The following PCSK5 variants were observed in gnomAD, a reference collection of about 807,000 sequenced individuals.
PCSK5 encodes the protein proprotein convertase subtilisin/kexin type 5.
PCSK5 carries 129 observed loss-of-function variants against 233.2 expected under a neutral mutation model. The ratio of observed to expected loss-of-function variants is 0.55; its 90% CI spans 0.48 to 0.64. PCSK5 has a LOEUF of 0.64. Ranked by LOEUF, PCSK5 falls within the 30% of genes least tolerant of loss-of-function variation. The pLI, the probability that PCSK5 is intolerant of heterozygous loss-of-function variation, is 0.00. For missense variants in PCSK5, 2,076 were observed against 2,430.1 expected, an observed-to-expected ratio of 0.85 and a Z score of 3.06; for synonymous variants, 825 against 879.2, an observed-to-expected ratio of 0.94 and a Z score of 1.09.
At chr9:76,231,513 C>T (rs1330630828) in intron 21 of PCSK5, among the ~76,000 whole-genome samples, 2 of 152,198 alleles carry the variant, frequency 1.3e-5, no homozygotes, top group Non-Finnish European at 2.9e-5. Flanking sequence ...AGAATAAACT[C>T]GCCCCATTCT....
chr9:76,034,517 C>T (rs1644057635), intron 5 of PCSK5, among the ~76,000 whole-genome samples: 1 of 152,100 alleles, frequency 6.6e-6, no homozygotes, highest in South Asian at 2.1e-4. Flanking sequence ...TCTTCTTCCT[C>T]CTCCTCCATT....
chr9:76,240,565 G>T, intron 23 of PCSK5, 51 bp from the exon 24 acceptor site: 1 of 1,207,972 alleles, frequency 8.3e-7, no homozygotes, highest in Non-Finnish European at 1.2e-6. Flanking sequence ...CAATTAACGT[G>T]TCTCCACTCA....
intron 24 of PCSK5, among the ~76,000 whole-genome samples, chr9:76,277,638 G>T (rs1380776687): frequency 6.6e-6 from 1 of 152,136 alleles, no homozygotes; most frequent in Non-Finnish European, 1.5e-5. Flanking sequence ...TTATCCCTGG[G>T]CACCGATGAG....
chr9:76,078,902 A>T (rs1196487132), intron 7 of PCSK5, among the ~76,000 whole-genome samples: 1 of 152,112 alleles, frequency 6.6e-6, no homozygotes, highest in African/African-American at 2.4e-5. Context: ...GAATCTATAG[A>T]TTTCTCTGGG....
At chr9:76,291,042 T>C (rs950909591) in intron 24 of PCSK5, among the ~76,000 whole-genome samples, 3 of 152,256 alleles carry the variant, frequency 2.0e-5, no homozygotes, top group Non-Finnish European at 4.4e-5. Flanking sequence ...AGGCCAGCAC[T>C]GTTTCTACTG....
At chr9:76,034,808 TTCGGG>T (rs1828789954) in intron 5 of PCSK5, among the ~76,000 whole-genome samples, 1 of 152,232 alleles carries the variant, frequency 6.6e-6, no homozygotes, top group African/African-American at 2.4e-5. Context: ...TTCAGTTTAG[TTCGGG>T]ATATAAAATA....
rs1825567073 is a variant in PCSK5, at chr9:75,890,985, G to T, written c.-197G>T. On this transcript the variant is annotated 5_prime_UTR_variant, in exon 1 of 38. Coordinates refer to ENST00000674117, the MANE Select transcript of PCSK5 (RefSeq NM_001372043.1). ...GAGCACAGGTCCCGGCAGCCCCAGG[G>T]ATGGTCTAGGAGCCGGCGTAAGGCT... is the stretch of plus-strand genomic sequence containing the variant. The T allele has an allele frequency of 2.3e-6, 1 of 430,992 alleles. No homozygotes were observed. Among genetic ancestry groups the T allele is most frequent in the Non-Finnish European group, 4.0e-6 (1 of 249,828 alleles). The allele number at this position is 430,992 out of a possible 1,614,324, so 26.7% of individuals were successfully genotyped here.
chr9:76,293,532 C>T (rs548124415), intron 25 of PCSK5, among the ~76,000 whole-genome samples: 1 of 152,240 alleles, frequency 6.6e-6, no homozygotes, highest in African/African-American at 2.4e-5. Flanking sequence ...TCACTGCAAC[C>T]TCTGCCTCCC....
rs1564172090 is a variant in PCSK5 at position 76,310,821 on chromosome 9, A to C, written c.3854A>C (p.His1285Pro). ...CAGCCGGGCCACCCTCTCTTCCTCC[A>C]TGAAGGCAGGTGCTACTCCAAGTGC... is the stretch of plus-strand genomic sequence containing the variant. ...QMQPGHPLFL[H>P]EGRCYSKCPE... Residue 1285 changes from histidine (H) to proline (P), a missense_variant, in exon 30 of 38, where the codon CAT (histidine) becomes CCT (proline). Physicochemically the swap from His to Pro is moderately conservative, Grantham distance 77. Around this residue, in one of 6 missense-constraint regions of PCSK5, gnomAD observed 1,510 missense variants for 1,538.1 expected, o/e 0.98. Coordinates refer to ENST00000674117, the MANE Select transcript of PCSK5 (RefSeq NM_001372043.1). The C allele has an allele frequency of 1.9e-6, 3 of 1,607,860 alleles. No homozygotes were observed. Among genetic ancestry groups the C allele is most frequent in the East Asian group, 2.2e-5 (1 of 44,762 alleles).
At chr9:76,267,457 C>T (rs1827369273) in intron 24 of PCSK5, among the ~76,000 whole-genome samples, 1 of 152,172 alleles carries the variant, frequency 6.6e-6, no homozygotes, top group African/African-American at 2.4e-5. Flanking sequence ...CAAAATCCCT[C>T]TTGTCTTCAG....
intron 3 of PCSK5, among the ~76,000 whole-genome samples, chr9:75,997,095 G>A (rs1308542749): frequency 6.6e-6 from 1 of 152,156 alleles, no homozygotes; most frequent in African/African-American, 2.4e-5. Context: ...CTTTTAGTAA[G>A]TGCTCAATAA....
chr9:75,917,584 G>C (rs1002240028), intron 1 of PCSK5, among the ~76,000 whole-genome samples: 1 of 152,214 alleles, frequency 6.6e-6, no homozygotes, highest in Non-Finnish European at 1.5e-5. Flanking sequence ...TTTATAGTCC[G>C]TGGATATCAT....
intron 3 of PCSK5, among the ~76,000 whole-genome samples, chr9:76,005,007 C>T (rs1265936269): frequency 6.6e-6 from 1 of 152,138 alleles, no homozygotes; most frequent in South Asian, 2.1e-4. Context: ...TATAGTGGTA[C>T]CTCCAAATGC....
At chr9:76,114,536 T>C (rs1832350763) in intron 9 of PCSK5, among the ~76,000 whole-genome samples, 1 of 152,134 alleles carries the variant, frequency 6.6e-6, no homozygotes, top group African/African-American at 2.4e-5. Flanking sequence ...AACAGGCTCA[T>C]TCACCTTGGA....
chr9:76,175,890 C>A (rs899930148), intron 14 of PCSK5, among the ~76,000 whole-genome samples: 1 of 152,090 alleles, frequency 6.6e-6, no homozygotes, highest in Admixed American at 6.5e-5. Context: ...TTTTTCTATT[C>A]GAAGTACAGT....
chr9:76,112,492 A>G (rs1832261991), intron 9 of PCSK5, among the ~76,000 whole-genome samples: 1 of 152,184 alleles, frequency 6.6e-6, no homozygotes, highest in South Asian at 2.1e-4. Context: ...TATCTTATAT[A>G]TACACAGACA....
rs565233364 is a variant in PCSK5 at position 76,330,718 on chromosome 9, G to A, written c.4571-1715G>A. Among the ~76,000 whole-genome samples, 135 of 152,160 alleles carry A rather than the reference G, an allele frequency of 8.9e-4. 1 individual carries two copies. Among genetic ancestry groups the A allele is most frequent in the African/African-American group, 3.3e-3 (135 of 41,520 alleles). ...CACCATCCCCCTGCTAAGACACAGG[G>A]AGACCTATTCTCAATACCATTCCTG... On this transcript the variant is annotated intron_variant, in intron 33 of 37. Coordinates refer to ENST00000674117, the MANE Select transcript of PCSK5 (RefSeq NM_001372043.1).
rs541964930 is a variant in PCSK5, at chr9:76,173,750, A to G, written c.1757-1236A>G. ...CACTTAGGGAGGCTAAGGCGGGTGG[A>G]TCACCTGAGGTCAGGAGTTCAAGAC... On this transcript the variant is annotated intron_variant, in intron 13 of 37. Coordinates refer to ENST00000674117, the MANE Select transcript of PCSK5 (RefSeq NM_001372043.1). Among the ~76,000 whole-genome samples, 5 of 151,840 alleles carry G rather than the reference A, an allele frequency of 3.3e-5. No homozygotes were observed. The East Asian group carries it at 9.7e-4, about 30-fold the overall frequency.
At chr9:76,331,030 A>T (rs1308144127) in intron 33 of PCSK5, among the ~76,000 whole-genome samples, 2 of 152,134 alleles carry the variant, frequency 1.3e-5, no homozygotes, top group Non-Finnish European at 2.9e-5. Context: ...TTAGACTAGA[A>T]TTGAGGCTTC....
Sources: allele counts gnomAD v4.1 joint callset (sites outside exome capture counted in the v4.1 genomes callset), GRCh38; gene constraint gnomAD v4.1.1; regional missense constraint gnomAD v4.1.1; transcripts MANE v1.5; gene names NCBI Gene and HGNC (gene_info 2026-07-23, HGNC 2026-07-21).